The following GRAMD1B variants were observed in gnomAD, a reference collection of about 807,000 sequenced individuals.
GRAMD1B encodes the protein protein Aster-B.
A neutral mutation model predicts 99.7 loss-of-function variants in GRAMD1B; 37 were observed. That is an observed-to-expected ratio of 0.37 (90% CI 0.29 to 0.49). The LOEUF (loss-of-function observed/expected upper bound fraction) is 0.49, where lower values mean the gene tolerates loss of function less well. Among genes scored for constraint, GRAMD1B ranks in the 20% least tolerant of loss-of-function variants. The probability of loss-of-function intolerance (pLI) is 0.98; values close to 1 mark genes in which losing one functional copy is unlikely to be tolerated. For synonymous variants in GRAMD1B, 427 were observed against 387.6 expected (o/e 1.10, Z -1.19); for missense variants, 888 against 1,009.2 (o/e 0.88, Z 1.63).
chr11:123,454,829 G>T (rs1159371391), intron 1 of GRAMD1B: 1 of 152,152 alleles, frequency 6.6e-6, no homozygotes, highest in Non-Finnish European at 1.5e-5. Flanking sequence ...GAAGAACCAA[G>T]GTAAGATTTA....
intron 2 of GRAMD1B, among the ~76,000 whole-genome samples, chr11:123,515,928 G>C (rs4936815): frequency 0.19 from 28,602 of 151,924 alleles, 3,186 homozygotes; most frequent in East Asian, 0.47. Flanking sequence ...ACACCACGCC[G>C]GGCTAATTTT....
intron 1 of GRAMD1B, among the ~76,000 whole-genome samples, chr11:123,439,873 T>G (rs893079524): frequency 2.0e-5 from 3 of 152,218 alleles, no homozygotes; most frequent in Non-Finnish European, 4.4e-5. Flanking sequence ...ACAGAGATTT[T>G]CAGTCTTGCT....
At chr11:123,358,563 C>A (rs373963410) in exon 1 of GRAMD1B, 2 of 152,132 alleles carry the variant, frequency 1.3e-5, no homozygotes, top group African/African-American at 4.8e-5. Flanking sequence ...CGCGCCCGGG[C>A]GCAGCGCGAG....
At chr11:123,416,155 C>A (rs1286100094) in intron 1 of GRAMD1B, among the ~76,000 whole-genome samples, 1 of 152,144 alleles carries the variant, frequency 6.6e-6, no homozygotes, top group Non-Finnish European at 1.5e-5. Context: ...GTGCTTTGGG[C>A]ATTTCCAAGG....
chr11:123,540,753 A>G (rs1591895551), intron 2 of GRAMD1B, among the ~76,000 whole-genome samples: 2 of 152,146 alleles, frequency 1.3e-5, no homozygotes, highest in African/African-American at 4.8e-5. Flanking sequence ...TATTATAGAT[A>G]GATACACACA....
chr11:123,620,554 C>A (rs1273840840), intron 19 of GRAMD1B, among the ~76,000 whole-genome samples: 4 of 149,378 alleles, frequency 2.7e-5, no homozygotes, highest in African/African-American at 9.8e-5. Context: ...AGCTTTGTCA[C>A]TACACTTAAG....
At chr11:123,578,044 G>T (rs940049110) in intron 3 of GRAMD1B, among the ~76,000 whole-genome samples, 1 of 152,130 alleles carries the variant, frequency 6.6e-6, no homozygotes, top group Non-Finnish European at 1.5e-5. Context: ...TACTCACCTG[G>T]CAGAGAGGAG....
At chr11:123,589,964 G>C (rs1309761204) in intron 4 of GRAMD1B, among the ~76,000 whole-genome samples, 1 of 152,102 alleles carries the variant, frequency 6.6e-6, no homozygotes, top group African/African-American at 2.4e-5. Flanking sequence ...ACTTTTCCTG[G>C]GAATCCACAT....
chr11:123,392,231 A>G lies in GRAMD1B; in HGVS notation c.-176+33432A>G, dbSNP rs569286986. On this transcript the variant is annotated intron_variant, in intron 1 of 20. Coordinates refer to the GRAMD1B transcript ENST00000638157. ...GAAGAGGAGAATGAAAGCAGGGACA[A>G]GTCTCCAGATCGTATGTCTTTGCCC... 3.9e-5 allele frequency among the ~76,000 whole-genome samples: 6 copies of G among 152,120 alleles called. No individual in the cohort carries two copies. In the South Asian group the frequency reaches 1.0e-3, roughly 26 times the overall value.
chr11:123,476,492 A>T (rs1951284163), intron 1 of GRAMD1B, among the ~76,000 whole-genome samples: 1 of 152,046 alleles, frequency 6.6e-6, no homozygotes, highest in Non-Finnish European at 1.5e-5. Flanking sequence ...AGGAGGAAAG[A>T]TCCTGTATAT....
chr11:123,522,924 A>C (rs1029015960), intron 2 of GRAMD1B, among the ~76,000 whole-genome samples: 10 of 152,238 alleles, frequency 6.6e-5, no homozygotes, highest in South Asian at 4.1e-4. Flanking sequence ...ATAGAGAAGG[A>C]GATTTTTTAT....
intron 2 of GRAMD1B, among the ~76,000 whole-genome samples, chr11:123,522,712 G>A (rs557882930): frequency 3.3e-4 from 50 of 152,304 alleles, no homozygotes; most frequent in African/African-American, 9.9e-4. Context: ...AGGGGAATTC[G>A]AGGCAGATGA....
intron 1 of GRAMD1B, among the ~76,000 whole-genome samples, chr11:123,440,072 C>T (rs1949337198): frequency 6.6e-6 from 1 of 152,168 alleles, no homozygotes; most frequent in Non-Finnish European, 1.5e-5. Flanking sequence ...TAGGAAAATA[C>T]AGAAAGGCAA....
chr11:123,594,211 G>C (rs1555092230), intron 5 of GRAMD1B, 45 bp downstream of exon 5: 1 of 1,349,628 alleles, frequency 7.4e-7, no homozygotes, highest in Non-Finnish European at 1.1e-6. Flanking sequence ...AGTCTGGGGA[G>C]CCCCCGGCAT....
At chr11:123,502,247 G>A (rs879570653) in intron 2 of GRAMD1B, among the ~76,000 whole-genome samples, 4 of 152,094 alleles carry the variant, frequency 2.6e-5, no homozygotes, top group East Asian at 1.9e-4. Context: ...CCAGGCATTC[G>A]GACAATCCTT....
chr11:123,494,527 G>C (rs1938994717), intron 2 of GRAMD1B, among the ~76,000 whole-genome samples: 1 of 151,750 alleles, frequency 6.6e-6, no homozygotes, highest in Non-Finnish European at 1.5e-5. Context: ...TCCCAGCTTA[G>C]AGCTCCTCTT....
intron 1 of GRAMD1B, among the ~76,000 whole-genome samples, chr11:123,359,038 C>A (rs1221979530): frequency 2.0e-5 from 3 of 152,156 alleles, no homozygotes; most frequent in Admixed American, 6.5e-5. Flanking sequence ...CCCCAGGAAA[C>A]CACTGAGATA....
upstream of GRAMD1B, among the ~76,000 whole-genome samples, chr11:123,429,310 C>T (rs117568704): frequency 1.2e-4 from 19 of 152,254 alleles, no homozygotes; most frequent in East Asian, 3.7e-3. The surrounding 1 kb of genome is among the most constrained non-coding windows in gnomAD (Gnocchi z 4.0). Context: ...GGGTTAGACT[C>T]AGTGCCCACA....
intron 2 of GRAMD1B, among the ~76,000 whole-genome samples, chr11:123,486,103 G>C (rs779822402): frequency 2.0e-5 from 3 of 152,134 alleles, no homozygotes; most frequent in Non-Finnish European, 4.4e-5. Flanking sequence ...ATGTCCATTG[G>C]ATTTTCTTGT....
Sources: allele counts gnomAD v4.1 joint callset (sites outside exome capture counted in the v4.1 genomes callset), GRCh38; gene constraint gnomAD v4.1.1; non-coding constraint Gnocchi (gnomAD v3.1); transcripts MANE v1.5; gene names NCBI Gene and HGNC (gene_info 2026-07-23, HGNC 2026-07-21).